Variants in SLIT3 observed in about 807,000 individuals in gnomAD.
The protein encoded by SLIT3 is slit guidance ligand 3.
SLIT3 carries 68 observed loss-of-function variants against 184.0 expected under a neutral mutation model. The observed-to-expected ratio is 0.37, with a 90% CI of 0.30 to 0.45. The LOEUF is 0.45. Among genes scored for constraint, SLIT3 ranks in the 20% least tolerant of loss-of-function variants. SLIT3 has a pLI of 1.00. For missense variants in SLIT3, 1,707 were observed against 2,026.0 expected, an observed-to-expected ratio of 0.84 and a Z score of 3.02; for synonymous variants, 831 against 828.6, an observed-to-expected ratio of 1.00 and a Z score of -0.05.
chr5:169,036,016 C>G (rs1026951056), intron 4 of SLIT3: 1 of 152,188 alleles, frequency 6.6e-6, no homozygotes, highest in Non-Finnish European at 1.5e-5. Context: ...AAAGACTGTC[C>G]TATTTCCCAG....
At chr5:169,142,086 AAT>A (rs374410000) in intron 4 of SLIT3, among the ~76,000 whole-genome samples, 1 of 43,178 alleles carries the variant, frequency 2.3e-5, no homozygotes, top group Non-Finnish European at 4.4e-5. Context: ...AATAAAAATA[AAT>A]AAATAAATAA....
chr5:168,999,751 G>A (rs986346039), intron 4 of SLIT3, among the ~76,000 whole-genome samples: 2 of 152,222 alleles, frequency 1.3e-5, no homozygotes, highest in East Asian at 3.9e-4. Flanking sequence ...ATGCAGCCAC[G>A]GGACTCACAA....
intron 4 of SLIT3, among the ~76,000 whole-genome samples, chr5:168,889,029 CT>C (rs1181383272): frequency 1.3e-5 from 2 of 152,304 alleles, no homozygotes; most frequent in Admixed American, 6.5e-5. Flanking sequence ...TTCCTGCCCC[CT>C]GAACCCCAAC....
intron 4 of SLIT3, among the ~76,000 whole-genome samples, chr5:169,017,556 A>T (rs1253306859): frequency 6.6e-6 from 1 of 152,222 alleles, no homozygotes; most frequent in East Asian, 1.9e-4. Context: ...CCTCGCTGGC[A>T]GCAGGGCTGA....
chr5:169,252,167 T>C (rs1028953645), intron 1 of SLIT3, among the ~76,000 whole-genome samples: 9 of 152,240 alleles, frequency 5.9e-5, no homozygotes, highest in African/African-American at 2.2e-4. Context: ...AAAAATTGTC[T>C]ATTTTCCAGC....
intron 4 of SLIT3, among the ~76,000 whole-genome samples, chr5:169,137,303 C>T (rs889499409): frequency 1.4e-5 from 2 of 139,154 alleles, no homozygotes; most frequent in African/African-American, 2.9e-5. Context: ...TTTCTATCTA[C>T]ATACACACAC....
At chr5:168,912,014 TG>T (rs1433903601) in intron 4 of SLIT3, among the ~76,000 whole-genome samples, 1 of 152,202 alleles carries the variant, frequency 6.6e-6, no homozygotes, top group Non-Finnish European at 1.5e-5. Flanking sequence ...TCCACTCATA[TG>T]TGGATTCTCT....
chr5:168,774,525 G>C, intron 12 of SLIT3, 147 bp from the exon 13 acceptor site: 1 of 862,780 alleles, frequency 1.2e-6, no homozygotes, highest in South Asian at 1.7e-5. Flanking sequence ...AAAAGAGAGA[G>C]ACCTGCCTTC....
intron 12 of SLIT3, among the ~76,000 whole-genome samples, chr5:168,782,486 G>T (rs1756009681): frequency 6.6e-6 from 1 of 152,174 alleles, no homozygotes; most frequent in South Asian, 2.1e-4. Context: ...AGGGCACGAG[G>T]GCTGGCTGCC....
At chr5:169,043,345 G>T (rs1261092591) in intron 4 of SLIT3, among the ~76,000 whole-genome samples, 2 of 152,188 alleles carry the variant, frequency 1.3e-5, no homozygotes, top group East Asian at 1.9e-4. Flanking sequence ...AGAAAAGTTT[G>T]AATTACAACA....
intron 20 of SLIT3, among the ~76,000 whole-genome samples, chr5:168,741,046 C>T (rs917185744): frequency 6.6e-6 from 1 of 152,168 alleles, no homozygotes; most frequent in African/African-American, 2.4e-5. Context: ...GGCATGACCC[C>T]AGCTCAAACT....
chr5:168,780,017 C>T (rs1245387969), intron 12 of SLIT3, among the ~76,000 whole-genome samples: 1 of 152,248 alleles, frequency 6.6e-6, no homozygotes, highest in Non-Finnish European at 1.5e-5. Context: ...AGCCCACAGG[C>T]CTTTTTTGCA....
intron 35 of SLIT3, among the ~76,000 whole-genome samples, chr5:168,669,516 G>A (rs969502000): frequency 6.6e-6 from 1 of 152,234 alleles, no homozygotes; most frequent in Non-Finnish European, 1.5e-5. Flanking sequence ...CCAACCCACA[G>A]GAACAATGTA....
At chr5:169,214,602 T>G (rs940379633) in intron 3 of SLIT3, among the ~76,000 whole-genome samples, 1 of 152,150 alleles carries the variant, frequency 6.6e-6, no homozygotes, top group East Asian at 1.9e-4. Flanking sequence ...GTGGAGTTCT[T>G]TAACACCAGT....
intron 4 of SLIT3, among the ~76,000 whole-genome samples, chr5:168,961,051 T>C (rs576852955): frequency 5.2e-4 from 79 of 152,288 alleles, no homozygotes; most frequent in African/African-American, 1.9e-3. Flanking sequence ...GAGGAGTCCA[T>C]GGATAATCTC....
chr5:169,138,192 C>T (rs530613750), intron 4 of SLIT3, among the ~76,000 whole-genome samples: 1 of 152,320 alleles, frequency 6.6e-6, no homozygotes, highest in African/African-American at 2.4e-5. Flanking sequence ...AGTTTGGCTG[C>T]TAACAGCTCA....
intron 4 of SLIT3, among the ~76,000 whole-genome samples, chr5:168,894,092 C>T (rs749016859): frequency 6.6e-6 from 1 of 152,216 alleles, no homozygotes; most frequent in Non-Finnish European, 1.5e-5. Context: ...GGCAGATCCT[C>T]CACCAAGGTG....
chr5:168,957,765 G>A (rs913442182), intron 4 of SLIT3, among the ~76,000 whole-genome samples: 1 of 124,538 alleles, frequency 8.0e-6, no homozygotes, highest in Non-Finnish European at 1.7e-5. Flanking sequence ...CCTCCACTGT[G>A]TATGTGTTGG....
At chr5:168,748,267 T>G (rs974700010) in intron 20 of SLIT3, 35 bp downstream of exon 20, 2 of 1,443,508 alleles carry the variant, frequency 1.4e-6, no homozygotes, top group Non-Finnish European at 1.8e-6. Context: ...GGTGGTGAGA[T>G]GACAGGGTGC....
Sources: gnomAD v4.1 joint callset for allele counts (sites outside exome capture counted in the v4.1 genomes callset) on GRCh38, gnomAD v4.1.1 for gene constraint, MANE v1.5 for transcripts, NCBI Gene and HGNC (gene_info 2026-07-23, HGNC 2026-07-21) for gene names.